Variants in SGCZ observed in about 807,000 individuals in gnomAD.
SGCZ encodes sarcoglycan zeta.
A neutral mutation model predicts 41.3 loss-of-function variants in SGCZ; 40 were observed. The observed-to-expected ratio is 0.97, with a 90% confidence interval of 0.75 to 1.26. SGCZ has a LOEUF of 1.26. Among genes scored for constraint, SGCZ ranks in the 50% most tolerant of loss-of-function variants. The pLI, the probability that SGCZ is intolerant of heterozygous loss-of-function variation, is 0.00. For missense variants in SGCZ, 552 were observed against 369.8 expected (o/e 1.49, Z -4.04); for synonymous variants, 206 against 137.5 (o/e 1.50, Z -3.49).
chr8:14,383,657 C>A (rs1804454901), intron 2 of SGCZ, among the ~76,000 whole-genome samples: 1 of 152,078 alleles, frequency 6.6e-6, no homozygotes, highest in Admixed American at 6.5e-5. Flanking sequence ...TGAGAAGTGA[C>A]AAAAAAATGT....
chr8:14,819,940 G>A (rs1419532609), intron 1 of SGCZ, among the ~76,000 whole-genome samples: 1 of 152,044 alleles, frequency 6.6e-6, no homozygotes, highest in Non-Finnish European at 1.5e-5. Flanking sequence ...AACAGCCACA[G>A]AGTAAGAAAG....
intron 1 of SGCZ, among the ~76,000 whole-genome samples, chr8:14,959,690 C>A (rs1168194544): frequency 6.6e-6 from 1 of 152,136 alleles, no homozygotes; most frequent in East Asian, 1.9e-4. Flanking sequence ...CCATTCAGAA[C>A]AAACTGTTCT....
intron 1 of SGCZ, among the ~76,000 whole-genome samples, chr8:15,230,825 A>G (rs530612454): frequency 4.6e-5 from 7 of 152,290 alleles, no homozygotes; most frequent in African/African-American, 1.7e-4. Context: ...GACATTGGAC[A>G]AATTCTTCAA....
At chr8:14,604,948 T>C (rs1269449998) in intron 1 of SGCZ, among the ~76,000 whole-genome samples, 1 of 152,194 alleles carries the variant, frequency 6.6e-6, no homozygotes, top group South Asian at 2.1e-4. Context: ...AGTGCTCTAT[T>C]TGCAACATGG....
chr8:14,382,975 C>G (rs1314984913), intron 2 of SGCZ, among the ~76,000 whole-genome samples: 1 of 152,096 alleles, frequency 6.6e-6, no homozygotes, highest in African/African-American at 2.4e-5. Context: ...GCTGCTCTGT[C>G]CCCTGAGAGA....
At chr8:14,759,848 G>A (rs1054931147) in intron 1 of SGCZ, among the ~76,000 whole-genome samples, 1 of 152,150 alleles carries the variant, frequency 6.6e-6, no homozygotes, top group Non-Finnish European at 1.5e-5. Flanking sequence ...ACTTTAAAAG[G>A]AGGAAAGATT....
At chr8:14,433,938 A>G (rs1348120837) in intron 2 of SGCZ, among the ~76,000 whole-genome samples, 4 of 151,806 alleles carry the variant, frequency 2.6e-5, no homozygotes, top group Non-Finnish European at 5.9e-5. Flanking sequence ...GTGATCAAGA[A>G]TTACTATATT....
chr8:14,894,353 A>G (rs1438612688), intron 1 of SGCZ, among the ~76,000 whole-genome samples: 4 of 152,248 alleles, frequency 2.6e-5, no homozygotes, highest in South Asian at 4.1e-4. Context: ...ATCTGTCATT[A>G]GAAAATTTAT....
intron 1 of SGCZ, among the ~76,000 whole-genome samples, chr8:14,764,719 G>A (rs1563253977): frequency 6.6e-6 from 1 of 151,984 alleles, no homozygotes; most frequent in Non-Finnish European, 1.5e-5. Context: ...ATTAGATCCT[G>A]GACCAAATCA....
intron 2 of SGCZ, among the ~76,000 whole-genome samples, chr8:14,386,093 T>G (rs1283433948): frequency 6.6e-6 from 1 of 152,140 alleles, no homozygotes; most frequent in African/African-American, 2.4e-5. Flanking sequence ...ATATATTCAG[T>G]CTTCGGTTGG....
chr8:14,318,398 T>A (rs1292974709), intron 3 of SGCZ, among the ~76,000 whole-genome samples: 3 of 151,946 alleles, frequency 2.0e-5, no homozygotes, highest in Non-Finnish European at 4.4e-5. Flanking sequence ...TACAAGTTTA[T>A]GATATAAAAC....
intron 1 of SGCZ, among the ~76,000 whole-genome samples, chr8:14,871,867 T>C (rs955367663): frequency 4.7e-5 from 7 of 149,432 alleles, no homozygotes; most frequent in African/African-American, 1.8e-4. Flanking sequence ...TGTATGTATA[T>C]ATATGTATGT....
chr8:14,339,617 G>A (rs181040921), intron 2 of SGCZ, among the ~76,000 whole-genome samples: 1 of 152,234 alleles, frequency 6.6e-6, no homozygotes, highest in East Asian at 1.9e-4. Flanking sequence ...CATGTTAGGA[G>A]GTTGGTACTT....
Position 15,124,986 on chromosome 8 carries a change from G to T in SGCZ, c.39+112599C>A, listed in dbSNP as rs553834950. 2.6e-5 allele frequency among the ~76,000 whole-genome samples: 4 copies of T among 152,180 alleles called. No homozygotes were observed. The South Asian group carries it at 8.3e-4, about 32-fold the overall frequency. ...ATATGGGTATAAAAGTAGAGGAAAT[G>T]CTTAAAGGTTATATATAGTAACCTT... On this transcript the variant is annotated intron_variant, in intron 1 of 7. Coordinates refer to ENST00000382080, the MANE Select transcript of SGCZ (RefSeq NM_139167.4).
At chr8:14,301,483 G>T (rs1017387760) in intron 3 of SGCZ, among the ~76,000 whole-genome samples, 13 of 152,092 alleles carry the variant, frequency 8.5e-5, no homozygotes, top group East Asian at 3.9e-4. Flanking sequence ...CTGTTTTATA[G>T]ATTACACCTT....
intron 2 of SGCZ, among the ~76,000 whole-genome samples, chr8:14,377,555 T>G (rs957603190): frequency 6.6e-6 from 1 of 152,026 alleles, no homozygotes; most frequent in Non-Finnish European, 1.5e-5. Flanking sequence ...ATACTTTAAG[T>G]TTTAGGGTAC....
intron 1 of SGCZ, among the ~76,000 whole-genome samples, chr8:14,756,731 A>G (rs1294664361): frequency 6.6e-6 from 1 of 152,206 alleles, no homozygotes; most frequent in African/African-American, 2.4e-5. Flanking sequence ...GCATTAAAAA[A>G]TATTAAACCT....
chr8:14,818,601 A>G (rs1345932137), intron 1 of SGCZ, among the ~76,000 whole-genome samples: 1 of 152,190 alleles, frequency 6.6e-6, no homozygotes, highest in Non-Finnish European at 1.5e-5. Context: ...GGACATTTAC[A>G]GAATATCTGA....
chr8:15,106,403 T>C (rs2131091063), intron 1 of SGCZ, among the ~76,000 whole-genome samples: 1 of 152,198 alleles, frequency 6.6e-6, no homozygotes, highest in South Asian at 2.1e-4. Flanking sequence ...GCCTTTTCAT[T>C]GATTCAAATC....
Sources: gnomAD v4.1 joint callset for allele counts (sites outside exome capture counted in the v4.1 genomes callset) on GRCh38, gnomAD v4.1.1 for gene constraint, MANE v1.5 for transcripts, NCBI Gene and HGNC (gene_info 2026-07-23, HGNC 2026-07-21) for gene names.